Variants in FHIT observed in about 807,000 individuals in gnomAD.
The protein encoded by FHIT is fragile histidine triad diadenosine triphosphatase.
In FHIT, 19 loss-of-function variants were observed where a neutral mutation model predicts 17.9. The observed-to-expected ratio is 1.06, with a 90% CI of 0.74 to 1.56. FHIT has a LOEUF of 1.56. Among genes scored for constraint, FHIT ranks in the 40% most tolerant of loss-of-function variants. The pLI is 0.00. For missense variants in FHIT, 248 were observed against 189.2 expected (o/e 1.31, Z -1.82); for synonymous variants, 81 against 69.7 (o/e 1.16, Z -0.81).
chr3:60,581,953 C>A (rs1334209753), intron 4 of FHIT, among the ~76,000 whole-genome samples: 1 of 151,924 alleles, frequency 6.6e-6, no homozygotes, highest in Non-Finnish European at 1.5e-5. Flanking sequence ...GGATGCTGCA[C>A]CGATGCACAC....
intron 8 of FHIT, among the ~76,000 whole-genome samples, chr3:59,862,892 C>T (rs111361621): frequency 0.034 from 5,139 of 152,148 alleles, 149 homozygotes; most frequent in African/African-American, 0.077. Context: ...ATTCTGATAA[C>T]TGCTACCAAG....
intron 3 of FHIT, among the ~76,000 whole-genome samples, chr3:60,921,026 G>A (rs62251574): frequency 0.25 from 37,260 of 152,062 alleles, 5,371 homozygotes; most frequent in Middle Eastern, 0.35. Context: ...CACTCATTCC[G>A]TAAGATATTT....
At chr3:60,989,666 ACTT>A (rs1178850516) in intron 3 of FHIT, among the ~76,000 whole-genome samples, 1 of 152,088 alleles carries the variant, frequency 6.6e-6, no homozygotes, top group Admixed American at 6.5e-5. Flanking sequence ...GGAAAACTCT[ACTT>A]CTGTTAAATT....
chr3:60,399,195 A>T (rs1002500947), intron 5 of FHIT, among the ~76,000 whole-genome samples: 3 of 152,172 alleles, frequency 2.0e-5, no homozygotes, highest in Non-Finnish European at 2.9e-5. Context: ...TCTTATCATC[A>T]TATCTGCTTT....
rs181022927 is a variant in FHIT, at chr3:60,570,546, A to G, written c.-17-33567T>C. 2.4e-4 allele frequency among the ~76,000 whole-genome samples: 37 copies of G among 152,190 alleles called. No homozygotes were observed. The East Asian group carries it at 4.1e-3, about 17-fold the overall frequency. On this transcript the variant is annotated intron_variant, in intron 4 of 9. Coordinates refer to ENST00000492590, the MANE Select transcript of FHIT (RefSeq NM_002012.4). Reference sequence around the variant, plus strand: ...CTAAAAAGCTCCTGGTTAGCCTTACAGGATGCCACTGAAGTGCCACCCCTT... The same window carrying G: ...CTAAAAAGCTCCTGGTTAGCCTTACGGGATGCCACTGAAGTGCCACCCCTT...
chr3:60,061,100 C>T (rs879556930), intron 5 of FHIT, among the ~76,000 whole-genome samples: 4 of 152,204 alleles, frequency 2.6e-5, no homozygotes, highest in Admixed American at 6.5e-5. Flanking sequence ...TGAAACCTGT[C>T]ACTTTCAAGA....
At chr3:60,765,779 G>C (rs1575497094) in intron 4 of FHIT, among the ~76,000 whole-genome samples, 1 of 152,188 alleles carries the variant, frequency 6.6e-6, no homozygotes, top group Non-Finnish European at 1.5e-5. Context: ...AGTGTGGGTG[G>C]GTACCATCCG....
intron 5 of FHIT, among the ~76,000 whole-genome samples, chr3:60,173,915 A>ATATATATATTTTTTTTT: frequency 1.2e-4 from 8 of 66,442 alleles, no homozygotes; most frequent in Admixed American, 4.2e-4. Flanking sequence ...ATATATATAT[A>ATATATATATTTTTTTTT]TGTTTTTTTT....
intron 8 of FHIT, among the ~76,000 whole-genome samples, chr3:59,872,720 T>A (rs1031004189): frequency 2.0e-5 from 3 of 152,184 alleles, no homozygotes; most frequent in African/African-American, 7.2e-5. Context: ...AGATAACCCT[T>A]TATCCTATAG....
chr3:60,247,700 T>C (rs1705472831), intron 5 of FHIT, among the ~76,000 whole-genome samples: 1 of 152,144 alleles, frequency 6.6e-6, no homozygotes, highest in Non-Finnish European at 1.5e-5. Flanking sequence ...TAAGTTCATG[T>C]CCAAGTGCCA....
At chr3:59,990,019 C>A (rs1709157354) in intron 7 of FHIT, among the ~76,000 whole-genome samples, 1 of 151,962 alleles carries the variant, frequency 6.6e-6, no homozygotes, top group Non-Finnish European at 1.5e-5. Flanking sequence ...TTGTTTTTAA[C>A]CTTTAGTGGG....
At chr3:60,420,590 A>G (rs242174) in intron 5 of FHIT, among the ~76,000 whole-genome samples, 76,718 of 151,854 alleles carry the variant, frequency 0.51, 22,132 homozygotes, top group Non-Finnish European at 0.67. Context: ...TCCCAGGGGA[A>G]AAAAATCTAT....
intron 5 of FHIT, among the ~76,000 whole-genome samples, chr3:60,074,358 T>C (rs754237689): frequency 1.1e-4 from 16 of 152,098 alleles, no homozygotes; most frequent in Non-Finnish European, 2.1e-4. Flanking sequence ...GTTCCTCTAC[T>C]TCTATGGTAT....
At chr3:60,087,784 A>G (rs1369491499) in intron 5 of FHIT, among the ~76,000 whole-genome samples, 1 of 152,208 alleles carries the variant, frequency 6.6e-6, no homozygotes, top group Non-Finnish European at 1.5e-5. Flanking sequence ...CATTTTGGTC[A>G]CAACCACTTA....
chr3:60,927,632 C>G (rs888686246), intron 3 of FHIT, among the ~76,000 whole-genome samples: 1 of 151,914 alleles, frequency 6.6e-6, no homozygotes, highest in Non-Finnish European at 1.5e-5. Flanking sequence ...TCTGCCCGGC[C>G]GCCCTGTCTG....
intron 8 of FHIT, among the ~76,000 whole-genome samples, chr3:59,783,797 C>T (rs1163028662): frequency 6.6e-6 from 1 of 152,140 alleles, no homozygotes; most frequent in Non-Finnish European, 1.5e-5. Flanking sequence ...CCACACCCCA[C>T]CAGTGAAAAA....
intron 7 of FHIT, among the ~76,000 whole-genome samples, chr3:59,958,720 T>C (rs1481591278): frequency 6.6e-6 from 1 of 152,208 alleles, no homozygotes; most frequent in Admixed American, 6.5e-5. Flanking sequence ...ATGTAATTTC[T>C]ACTCTGAAAC....
intron 8 of FHIT, among the ~76,000 whole-genome samples, chr3:59,881,299 G>T: frequency 6.6e-6 from 1 of 152,078 alleles, no homozygotes; most frequent in East Asian, 1.9e-4. Flanking sequence ...TGCTACACTG[G>T]CCAAGTATTT....
At chr3:60,766,071 G>C (rs1208448358) in intron 4 of FHIT, among the ~76,000 whole-genome samples, 1 of 152,118 alleles carries the variant, frequency 6.6e-6, no homozygotes, top group Non-Finnish European at 1.5e-5. Flanking sequence ...TTTGCAGACA[G>C]CCTATCCTGG....
Sources: allele counts gnomAD v4.1 joint callset (sites outside exome capture counted in the v4.1 genomes callset), GRCh38; gene constraint gnomAD v4.1.1; transcripts MANE v1.5; gene names NCBI Gene and HGNC (gene_info 2026-07-23, HGNC 2026-07-21).